The following GTF2A2 variants were observed in gnomAD, a reference collection of about 807,000 sequenced individuals.
GTF2A2 encodes the protein general transcription factor IIA subunit 2.
GTF2A2 carries 9 observed loss-of-function variants against 14.3 expected under a neutral mutation model. The ratio of observed to expected loss-of-function variants is 0.63; its 90% CI spans 0.38 to 1.10. GTF2A2 has a LOEUF of 1.10. Ranked by LOEUF, GTF2A2 falls within the 50% of genes least tolerant of loss-of-function variation. GTF2A2 has a pLI of 0.01. For synonymous variants in GTF2A2, 56 were observed against 46.0 expected (o/e 1.22, Z -0.88); for missense variants, 90 against 124.6 (o/e 0.72, Z 1.32).
intron 3 of GTF2A2, among the ~76,000 whole-genome samples, chr15:59,647,124 G>C (rs1891632224): frequency 6.6e-6 from 1 of 151,964 alleles, no homozygotes; most frequent in Non-Finnish European, 1.5e-5. Flanking sequence ...GCAGGGTCTA[G>C]CTGTGTCACC....
intron 1 of GTF2A2, among the ~76,000 whole-genome samples, chr15:59,655,405 G>A (rs1057048778): frequency 1.3e-5 from 2 of 152,066 alleles, no homozygotes; most frequent in African/African-American, 4.8e-5. Flanking sequence ...GTCATCAATG[G>A]CAATGCTAAA....
In GTF2A2 at chr15:59,652,456, T is replaced by A. The variant is rs1486132791; in HGVS notation, c.-49-130A>T. On this transcript the variant is annotated intron_variant, in intron 1 of 4. Transcript: ENST00000396060. ...CGCTTAGTGGTTGCACATTACTAGA[T>A]AATCATTTTAGAATTACAAGGAATT... The A allele has an allele frequency of 7.6e-6, 4 of 525,972 alleles. No individual in the cohort carries two copies. The East Asian group carries it at 1.3e-4, about 17-fold the overall frequency. 32.6% of individuals were successfully genotyped at this position (525,972 alleles called of 1,614,324 possible).
chr15:59,653,550 C>T (rs893282673), intron 1 of GTF2A2, among the ~76,000 whole-genome samples: 17 of 152,120 alleles, frequency 1.1e-4, no homozygotes, highest in Non-Finnish European at 2.2e-4. Flanking sequence ...TCCTCAGCTC[C>T]CTGACTTGTA....
rs776349974 is a variant in GTF2A2, at chr15:59,639,161, G to C, written c.305-4C>G. On this transcript the variant is annotated splice_region_variant and splice_polypyrimidine_tract_variant and intron_variant, in intron 4 of 4. Coordinates refer to ENST00000396060, the MANE Select transcript of GTF2A2 (RefSeq NM_004492.3). Reference sequence around the variant, plus strand: ...TCTGTAGTATTGGAGCCAGTATCTAGGAAACAAAAGAGAAAGTAAAGTAAA... The same window carrying C: ...TCTGTAGTATTGGAGCCAGTATCTACGAAACAAAAGAGAAAGTAAAGTAAA... 1.4e-6 allele frequency: 2 copies of C among 1,444,424 alleles called. No individual in the cohort carries two copies. The highest frequency in any genetic ancestry group is 2.3e-5 in the East Asian group (1 of 43,402). The allele number at this position is 1,444,424 out of a possible 1,614,324, so 89.5% of individuals were successfully genotyped here.
At chr15:59,642,933 GT>G (rs200434004) in intron 3 of GTF2A2, among the ~76,000 whole-genome samples, 1 of 150,996 alleles carries the variant, frequency 6.6e-6, no homozygotes, top group Non-Finnish European at 1.5e-5. Context: ...CGCCCAGCTA[GT>G]TTTTTTATTT....
chr15:59,639,067 TCTA>T lies in GTF2A2; in HGVS notation c.*62_*64del. 1.1e-6 allele frequency: 1 copy of T among 921,832 alleles called. No individual in the cohort carries two copies. Among genetic ancestry groups the T allele is most frequent in the South Asian group, 1.3e-5 (1 of 76,236 alleles). 57.1% of individuals were successfully genotyped at this position (921,832 alleles called of 1,614,324 possible). On this transcript the variant is annotated 3_prime_UTR_variant, in exon 5 of 5. Transcript: ENST00000396060. ...ATTCTAGAATAAATAAAAAGTCTCTTCTATGCTTCTCTTCAAAAGCAATGAATA... is the reference window on the plus strand; with the variant it reads ...ATTCTAGAATAAATAAAAAGTCTCTTTGCTTCTCTTCAAAAGCAATGAATA...
chr15:59,643,905 A>AT (rs1187259369), intron 3 of GTF2A2, among the ~76,000 whole-genome samples: 2 of 134,432 alleles, frequency 1.5e-5, no homozygotes, highest in African/African-American at 5.7e-5. Flanking sequence ...GCCTATTTTT[A>AT]TTTTTTTGAG....
chr15:59,639,648 C>T (rs902087049), intron 4 of GTF2A2, among the ~76,000 whole-genome samples: 8 of 150,944 alleles, frequency 5.3e-5, no homozygotes, highest in African/African-American at 9.8e-5. Context: ...ACTTTAGAGA[C>T]GGGGTTTCAC....
chr15:59,643,531 TA>T (rs1891503148), intron 3 of GTF2A2, among the ~76,000 whole-genome samples: 1 of 148,636 alleles, frequency 6.7e-6, no homozygotes, highest in Non-Finnish European at 1.5e-5. Flanking sequence ...TTCTTATAAT[TA>T]AGAAAAAAAA....
chr15:59,653,184 G>A (rs1285101457), intron 1 of GTF2A2, among the ~76,000 whole-genome samples: 1 of 152,070 alleles, frequency 6.6e-6, no homozygotes, highest in African/African-American at 2.4e-5. Flanking sequence ...TCAGACAGCT[G>A]GGCTTCAGTG....
At position 59,650,690 on chromosome 15, in the gene GTF2A2, G is replaced by A; in HGVS notation, c.156C>T (p.Val52=). The A allele has an allele frequency of 6.3e-7, 1 of 1,596,862 alleles. No individual in the cohort carries two copies. Among genetic ancestry groups the A allele is most frequent in the Non-Finnish European group, 8.6e-7 (1 of 1,164,410 alleles). ...KAINAALAQR[V]RNRVNFRGSL... ...TTACCCTGAAATTGACTCTGTTCCTGACCCTCTGAGCCAGTGCTGCATTTA... is the reference window on the plus strand; with the variant it reads ...TTACCCTGAAATTGACTCTGTTCCTAACCCTCTGAGCCAGTGCTGCATTTA... Residue 52 remains valine, a synonymous_variant, in exon 3 of 5, where the codon GTC becomes GTT. Transcript: ENST00000396060.
In GTF2A2 at chr15:59,638,868, AGAGTTTTAAAAT is replaced by A. The variant is rs1230779247; in HGVS notation, c.*252_*263del. 5.3e-6 allele frequency: 2 copies of A among 375,334 alleles called. No homozygotes were observed. The highest frequency in any genetic ancestry group is 9.7e-6 in the Non-Finnish European group (2 of 206,856). The allele number at this position is 375,334 out of a possible 1,614,324, so 23.3% of individuals were successfully genotyped here. On this transcript the variant is annotated 3_prime_UTR_variant, in exon 5 of 5. Transcript: ENST00000396060. ...TTAATAGCTTCACCAGTTATTACTC[AGAGTTTTAAAAT>A]GAGTTTATTAAAGAAGGTTCTTAGG...
intron 4 of GTF2A2, among the ~76,000 whole-genome samples, chr15:59,641,573 A>C (rs1437383810): frequency 1.3e-5 from 2 of 150,996 alleles, no homozygotes; most frequent in African/African-American, 5.0e-5. Context: ...ATTAGCAAAA[A>C]GGAAATAAAC....
intron 1 of GTF2A2, among the ~76,000 whole-genome samples, chr15:59,653,328 G>A (rs1279598349): frequency 2.6e-5 from 4 of 152,248 alleles, no homozygotes; most frequent in African/African-American, 9.6e-5. Context: ...GTCTGGAGAT[G>A]GATGGGGGAA....
chr15:59,653,566 T>C (rs1402450635), intron 1 of GTF2A2, among the ~76,000 whole-genome samples: 1 of 152,028 alleles, frequency 6.6e-6, no homozygotes, highest in Non-Finnish European at 1.5e-5. Flanking sequence ...TTGTAACTGT[T>C]GAACTGCCCT....
intron 3 of GTF2A2, among the ~76,000 whole-genome samples, chr15:59,649,298 A>C (rs1891718654): frequency 6.6e-6 from 1 of 152,244 alleles, no homozygotes; most frequent in Non-Finnish European, 1.5e-5. Flanking sequence ...GCTGAGAGCA[A>C]TTATTTATAG....
chr15:59,652,123 T>C lies in GTF2A2; in HGVS notation c.72+83A>G, dbSNP rs1891812073. The C allele has an allele frequency of 1.7e-5, 13 of 786,266 alleles. No homozygotes were observed. In the East Asian group the frequency reaches 2.2e-4, roughly 14 times the overall value. 48.7% of individuals were successfully genotyped at this position (786,266 alleles called of 1,614,324 possible). ...AAATAGTCCAAGATATTTTACCTCA[T>C]ATCTCTTTGCCTAAGTGATATGACA... On this transcript the variant is annotated intron_variant, in intron 2 of 4. Coordinates refer to ENST00000396060, the MANE Select transcript of GTF2A2 (RefSeq NM_004492.3).
chr15:59,647,867 G>A (rs1478560520), intron 3 of GTF2A2, among the ~76,000 whole-genome samples: 3 of 152,080 alleles, frequency 2.0e-5, no homozygotes, highest in Admixed American at 6.5e-5. Flanking sequence ...ACTGTACCCA[G>A]CCTAAAAGAA....
intron 4 of GTF2A2, among the ~76,000 whole-genome samples, chr15:59,641,257 A>ATTTT (rs1566924953): frequency 2.0e-5 from 3 of 150,734 alleles, no homozygotes; most frequent in Non-Finnish European, 4.4e-5. Flanking sequence ...ATATACATAC[A>ATTTT]TTTTTGCAAA....
Sources: allele counts gnomAD v4.1 joint callset (sites outside exome capture counted in the v4.1 genomes callset), GRCh38; gene constraint gnomAD v4.1.1; transcripts MANE v1.5; gene names NCBI Gene and HGNC (gene_info 2026-07-23, HGNC 2026-07-21).